The following EBF2 variants were observed in gnomAD, a reference collection of about 807,000 sequenced individuals.
EBF2 encodes the protein EBF transcription factor 2, also known as transcription factor COE2.
EBF2 carries 21 observed loss-of-function variants against 72.8 expected under a neutral mutation model. The ratio of observed to expected loss-of-function variants is 0.29; its 90% CI spans 0.20 to 0.42. EBF2 has a LOEUF of 0.42. Among genes scored for constraint, EBF2 ranks in the 10% least tolerant of loss-of-function variants. The pLI is 1.00. For missense variants in EBF2, 637 were observed against 731.2 expected (o/e 0.87, Z 1.49); for synonymous variants, 299 against 274.2 (o/e 1.09, Z -0.89).
chr8:25,930,129 G>T (rs1803456398), intron 6 of EBF2, among the ~76,000 whole-genome samples: 1 of 152,134 alleles, frequency 6.6e-6, no homozygotes, highest in Non-Finnish European at 1.5e-5. Flanking sequence ...GGGACACATG[G>T]ACTTCTGGCT....
chr8:25,846,750 C>A (rs1176025392), intron 15 of EBF2, among the ~76,000 whole-genome samples: 2 of 152,092 alleles, frequency 1.3e-5, no homozygotes, highest in Admixed American at 6.6e-5. Flanking sequence ...CAAAGGGGCT[C>A]ATGTAACAGC....
rs60406400 is a variant in EBF2, at chr8:25,990,188, T to TACACACAC, written c.551+42889_551+42896dup. Among the ~76,000 whole-genome samples, 224 of 146,372 alleles carry TACACACAC rather than the reference T, an allele frequency of 1.5e-3. 1 individual carries two copies. Among genetic ancestry groups the TACACACAC allele is most frequent in the South Asian group, 1.3e-3 (6 of 4,522 alleles). ...GTATATAATACAGAGCTATGGGTTA[T>TACACACAC]ACACACACACACACACACACACACA... On this transcript the variant is annotated intron_variant, in intron 6 of 15. Coordinates refer to ENST00000520164, the MANE Select transcript of EBF2 (RefSeq NM_022659.4).
intron 6 of EBF2, among the ~76,000 whole-genome samples, 168 bp from the exon 7 acceptor site, chr8:25,908,723 T>A (rs1803080253): frequency 6.6e-6 from 1 of 152,146 alleles, no homozygotes; most frequent in Non-Finnish European, 1.5e-5. Context: ...ATTTGCAAAT[T>A]TGGATGTTTT....
At chr8:25,859,206 A>T (rs1322623693) in intron 13 of EBF2, among the ~76,000 whole-genome samples, 1 of 152,190 alleles carries the variant, frequency 6.6e-6, no homozygotes, top group African/African-American at 2.4e-5. Flanking sequence ...CACTGTAGCC[A>T]TTTCTTGATT....
Position 26,040,628 on chromosome 8 carries a change from C to T in EBF2, c.396G>A (p.Ser132=), listed in dbSNP as rs757373103. The stretch of plus-strand genomic sequence containing the variant: ...GCCTCCGGCTCACCTGCTTGGTGAC[C>T]GAGTCGATGAGCCTGACATAGAGGT... The part of the protein sequence containing the change: ...EQDLYVRLID[S]VTKQPIAYEG... The change falls in exon 4 of 16, where the codon TCG becomes TCA. Residue 132 remains serine, a synonymous_variant. Transcript: ENST00000520164. The T allele has an allele frequency of 3.4e-5, 53 of 1,553,320 alleles. No homozygotes were observed. The African/African-American group carries it at 6.2e-4, about 18-fold the overall frequency.
In EBF2 at chr8:25,908,599, T is replaced by G. The variant is rs781428407; in HGVS notation, c.552-44A>C. On this transcript the variant is annotated intron_variant, in intron 6 of 15. Transcript: ENST00000520164. ...GTGTTACATTTTTCAGTAAACATTT[T>G]TAAAGGGAGAATATAGCTGCATTCC... The G allele has an allele frequency of 4.6e-6, 6 of 1,309,418 alleles. No individual in the cohort carries two copies. The South Asian group carries it at 6.0e-5, about 13-fold the overall frequency. The allele number at this position is 1,309,418 out of a possible 1,614,324, so 81.1% of individuals were successfully genotyped here.
At chr8:25,901,053 T>C (rs369814391) in intron 7 of EBF2, among the ~76,000 whole-genome samples, 2 of 152,128 alleles carry the variant, frequency 1.3e-5, no homozygotes, top group Non-Finnish European at 2.9e-5. Context: ...CTGACTTGAT[T>C]ATTACACATT....
chr8:25,980,847 A>T (rs1478175813), intron 6 of EBF2, among the ~76,000 whole-genome samples: 1 of 138,734 alleles, frequency 7.2e-6, no homozygotes, highest in Admixed American at 7.3e-5. Flanking sequence ...GCAGTGGGGG[A>T]GGGGTGTCAT....
intron 5 of EBF2, among the ~76,000 whole-genome samples, chr8:26,038,785 T>C (rs1805548984): frequency 6.6e-6 from 1 of 152,214 alleles, no homozygotes; most frequent in Non-Finnish European, 1.5e-5. Flanking sequence ...GCCACTGGCA[T>C]TTGGAAAGTT....
chr8:25,998,494 G>A (rs1300520275), intron 6 of EBF2, among the ~76,000 whole-genome samples: 1 of 152,124 alleles, frequency 6.6e-6, no homozygotes. Context: ...GTTTTGTTAG[G>A]GCAAAACTGC....
At chr8:25,946,611 TG>T (rs1803772787) in intron 6 of EBF2, among the ~76,000 whole-genome samples, 1 of 152,176 alleles carries the variant, frequency 6.6e-6, no homozygotes, top group Admixed American at 6.5e-5. Flanking sequence ...CTATCCTCAT[TG>T]AATGACAACA....
chr8:25,877,660 T>C (rs1802545149), intron 10 of EBF2, among the ~76,000 whole-genome samples: 1 of 152,152 alleles, frequency 6.6e-6, no homozygotes, highest in Non-Finnish European at 1.5e-5. Flanking sequence ...AGTTGGACTA[T>C]GGACCACAGA....
intron 6 of EBF2, among the ~76,000 whole-genome samples, chr8:25,932,119 T>C (rs1002074527): frequency 4.6e-5 from 7 of 152,070 alleles, no homozygotes; most frequent in Non-Finnish European, 8.8e-5. Context: ...GGAACAAACC[T>C]TGGACTGGAG....
intron 7 of EBF2, 138 bp from the exon 8 acceptor site, chr8:25,890,007 A>T (rs1802752256): frequency 2.8e-6 from 2 of 703,596 alleles, no homozygotes; most frequent in Admixed American, 4.7e-5. Context: ...GACTCAACAG[A>T]GTTTTCTCCT....
At chr8:25,899,859 C>A (rs1436845708) in intron 7 of EBF2, among the ~76,000 whole-genome samples, 1 of 87,126 alleles carries the variant, frequency 1.1e-5, no homozygotes, top group Non-Finnish European at 3.3e-5. Context: ...GATCCAACCA[C>A]CCTGTGGACG....
intron 6 of EBF2, among the ~76,000 whole-genome samples, chr8:25,955,245 A>G (rs569741390): frequency 2.6e-5 from 4 of 152,330 alleles, no homozygotes; most frequent in African/African-American, 9.6e-5. Context: ...CAGGCATTAA[A>G]CAGAGGGTCA....
intron 7 of EBF2, among the ~76,000 whole-genome samples, chr8:25,906,112 T>C (rs1803027286): frequency 1.3e-5 from 2 of 152,242 alleles, no homozygotes; most frequent in Admixed American, 1.3e-4. Context: ...GCTTTGTGAA[T>C]ATATTCCTAA....
intron 6 of EBF2, among the ~76,000 whole-genome samples, chr8:26,002,050 G>A (rs1804736132): frequency 6.6e-6 from 1 of 152,170 alleles, no homozygotes; most frequent in Admixed American, 6.5e-5. Flanking sequence ...TAGCCAGAAA[G>A]GCCTCAGTAT....
In EBF2 at chr8:25,893,478, A is replaced by C. The variant is rs141757325; in HGVS notation, c.634-3609T>G. Among the ~76,000 whole-genome samples, 604 of 151,848 alleles carry C rather than the reference A, an allele frequency of 4.0e-3. 5 individuals carry two copies. The highest frequency in any genetic ancestry group is 0.014 in the African/African-American group (562 of 41,398). ...ATTTTTGTATTTTTGGGGTTTTACC[A>C]TGTTGGCCAGGCTGGTCTAGAGCTT... On this transcript the variant is annotated intron_variant, in intron 7 of 15. Coordinates refer to ENST00000520164, the MANE Select transcript of EBF2 (RefSeq NM_022659.4).
Sources: allele counts gnomAD v4.1 joint callset (sites outside exome capture counted in the v4.1 genomes callset), GRCh38; gene constraint gnomAD v4.1.1; transcripts MANE v1.5; gene names NCBI Gene and HGNC (gene_info 2026-07-23, HGNC 2026-07-21).